The following TXNDC16 variants were observed in gnomAD, a reference collection of about 807,000 sequenced individuals.
TXNDC16 encodes the protein thioredoxin domain containing 16.
TXNDC16 carries 74 observed loss-of-function variants against 85.6 expected under a neutral mutation model. That is an observed-to-expected ratio of 0.86 (90% CI 0.72 to 1.05). The LOEUF (loss-of-function observed/expected upper bound fraction) is 1.05, where lower values mean the gene tolerates loss of function less well. TXNDC16 is among the 50% of genes least tolerant of loss of function. The pLI, the probability that TXNDC16 is intolerant of heterozygous loss-of-function variation, is 0.00. For synonymous variants in TXNDC16, 335 were observed against 326.5 expected, an observed-to-expected ratio of 1.03 and a Z score of -0.28; for missense variants, 959 against 947.0, an observed-to-expected ratio of 1.01 and a Z score of -0.17.
At chr14:52,477,201 A>T (rs942605240) in intron 14 of TXNDC16, among the ~76,000 whole-genome samples, 1 of 152,214 alleles carries the variant, frequency 6.6e-6, no homozygotes, top group Non-Finnish European at 1.5e-5. Flanking sequence ...CAAATCCTGG[A>T]AACACATCAA....
chr14:52,505,328 A>T lies in TXNDC16; in HGVS notation c.756+5912T>A, dbSNP rs547300511. 3.3e-5 allele frequency among the ~76,000 whole-genome samples: 5 copies of T among 152,190 alleles called. No individual in the cohort carries two copies. The Middle Eastern group carries it at 0.01, about 311-fold the overall frequency. On this transcript the variant is annotated intron_variant, in intron 9 of 20. Transcript: ENST00000281741. The stretch of plus-strand genomic sequence containing the variant: ...TTGACCACATAGTTGGAAGTAAAGC[A>T]CTCCTCAGCAATGTAAAAAAACAGA...
intron 1 of TXNDC16, among the ~76,000 whole-genome samples, chr14:52,551,879 T>C (rs1277738939): frequency 6.6e-6 from 1 of 152,194 alleles, no homozygotes; most frequent in Non-Finnish European, 1.5e-5. Context: ...TACTTACAAG[T>C]CTGTTTCTGC....
At chr14:52,511,657 A>G (rs1469924076) in intron 8 of TXNDC16, among the ~76,000 whole-genome samples, 1 of 152,168 alleles carries the variant, frequency 6.6e-6, no homozygotes, top group Non-Finnish European at 1.5e-5. Flanking sequence ...TAGTTTCTAA[A>G]TTATAATAGG....
chr14:52,548,541 C>A (rs2140236343), intron 1 of TXNDC16, among the ~76,000 whole-genome samples: 1 of 152,234 alleles, frequency 6.6e-6, no homozygotes, highest in East Asian at 1.9e-4. Context: ...GCTCATATAG[C>A]CTCCAGTGGT....
At position 52,431,118 on chromosome 14, in the gene TXNDC16, A is replaced by C. The variant is rs2034883849; in HGVS notation, c.*1186T>G. 1 of 152,258 alleles carries C rather than the reference A, an allele frequency of 6.6e-6. No individual in the cohort carries two copies. Among genetic ancestry groups the C allele is most frequent in the Admixed American group, 6.5e-5 (1 of 15,294 alleles). The allele number at this position is 152,258 out of a possible 1,614,324, so 9.4% of individuals were successfully genotyped here. A position where few individuals can be genotyped will look rare whatever the true frequency, so the allele number is the denominator to read the frequency against. On this transcript the variant is annotated 3_prime_UTR_variant, in exon 21 of 21. Transcript: ENST00000281741. ...GACAAACAACTGCTACAAACAGATC[A>C]GTCTAACAGCTAAGTGATTTGGAAT... is the stretch of plus-strand genomic sequence containing the variant.
Position 52,534,231 on chromosome 14 carries a change from T to C in TXNDC16, c.392+2488A>G, listed in dbSNP as rs1027297180. 6.6e-5 allele frequency among the ~76,000 whole-genome samples: 10 copies of C among 152,278 alleles called. No individual in the cohort carries two copies. The East Asian group carries it at 1.9e-3, about 29-fold the overall frequency. ...GACCCCATGTCTACTTTTCTACTCT[T>C]ATCTCCTGCTTCACATTTTATACTC... On this transcript the variant is annotated intron_variant, in intron 6 of 20. Coordinates refer to ENST00000281741, the MANE Select transcript of TXNDC16 (RefSeq NM_020784.3).
In TXNDC16 at chr14:52,543,565, T is replaced by C; in HGVS notation, c.-8A>G. The stretch of plus-strand genomic sequence containing the variant: ...ATTGAAGCCGGAAAACATTATCAGC[T>C]GCAGTTGTATCTGAGCGGATTTTGT... On this transcript the variant is annotated 5_prime_UTR_variant, in exon 3 of 21. Transcript: ENST00000281741. The C allele has an allele frequency of 6.2e-7, 1 of 1,612,784 alleles. No homozygotes were observed. The highest frequency in any genetic ancestry group is 8.5e-7 in the Non-Finnish European group (1 of 1,179,344).
intron 6 of TXNDC16, among the ~76,000 whole-genome samples, chr14:52,519,722 T>A (rs192228891): frequency 3.4e-4 from 52 of 152,350 alleles, no homozygotes; most frequent in Non-Finnish European, 6.6e-4. Flanking sequence ...CCATTCCTCA[T>A]GTTTACAACA....
intron 14 of TXNDC16, among the ~76,000 whole-genome samples, chr14:52,474,596 G>T (rs1284096162): frequency 6.6e-6 from 1 of 152,092 alleles, no homozygotes; most frequent in African/African-American, 2.4e-5. Flanking sequence ...CAAGCACGGT[G>T]GTGCACACCT....
intron 8 of TXNDC16, among the ~76,000 whole-genome samples, chr14:52,511,770 A>C (rs1219724378): frequency 6.6e-6 from 1 of 152,158 alleles, no homozygotes; most frequent in Non-Finnish European, 1.5e-5. Context: ...TGCTAAATGA[A>C]GCTTTGTAAC....
chr14:52,455,368 G>C lies in TXNDC16; in HGVS notation c.1798C>G (p.Gln600Glu), dbSNP rs778946611. The part of the protein sequence containing the change: ...ESIPLASTHA[Q>E]DIVQIITDAL... Reference sequence around the variant, plus strand: ...TCTGTTATTATTTGAACTATGTCTTGTGCATGTGTGCTAGCTAGTGGGATG... The same window carrying C: ...TCTGTTATTATTTGAACTATGTCTTCTGCATGTGTGCTAGCTAGTGGGATG... The change falls in exon 18 of 21, where the codon CAA becomes GAA. Residue 600 changes from glutamine to glutamate, a missense_variant. Transcript: ENST00000281741. 6 of 1,613,794 alleles carry C rather than the reference G, an allele frequency of 3.7e-6. No individual in the cohort carries two copies. The highest frequency in any genetic ancestry group is 1.3e-5 in the African/African-American group (1 of 74,902).
At chr14:52,547,576 C>A (rs994452185) in intron 1 of TXNDC16, among the ~76,000 whole-genome samples, 1 of 152,150 alleles carries the variant, frequency 6.6e-6, no homozygotes, top group Non-Finnish European at 1.5e-5. Flanking sequence ...AGAACTAGAG[C>A]CCTAGCAACA....
In TXNDC16 at chr14:52,479,539, G is replaced by T. The variant is rs117460330; in HGVS notation, c.1312+2691C>A. On this transcript the variant is annotated intron_variant, in intron 14 of 20. Transcript: ENST00000281741. ...CAACAGCGACCAAGCTGAGAATCAA[G>T]TCTAGAATTCAACCCCTTTTACAAT... is the stretch of plus-strand genomic sequence containing the variant. Among the ~76,000 whole-genome samples, 48 of 151,012 alleles carry T rather than the reference G, an allele frequency of 3.2e-4. No individual in the cohort carries two copies. The East Asian group carries it at 8.7e-3, about 27-fold the overall frequency.
intron 14 of TXNDC16, among the ~76,000 whole-genome samples, chr14:52,475,348 G>A (rs1411105110): frequency 2.0e-5 from 3 of 152,150 alleles, no homozygotes; most frequent in African/African-American, 7.2e-5. Context: ...CATGAATCCA[G>A]CGTGCAGACT....
intron 9 of TXNDC16, among the ~76,000 whole-genome samples, chr14:52,506,388 G>T (rs2036800676): frequency 6.6e-6 from 1 of 152,068 alleles, no homozygotes. Flanking sequence ...GATCAAGTGG[G>T]CTTCATCCCT....
At chr14:52,540,990 T>C (rs1364744106) in intron 4 of TXNDC16, among the ~76,000 whole-genome samples, 7 of 151,854 alleles carry the variant, frequency 4.6e-5, no homozygotes, top group Non-Finnish European at 8.8e-5. Context: ...AATCCCAGAA[T>C]TTTGGGAGGC....
intron 1 of TXNDC16, among the ~76,000 whole-genome samples, chr14:52,551,958 GC>G (rs1566595541): frequency 2.5e-5 from 3 of 118,580 alleles, no homozygotes; most frequent in Non-Finnish European, 4.1e-5. Flanking sequence ...GCTTCCCCCT[GC>G]TCACAGATCG....
intron 12 of TXNDC16, among the ~76,000 whole-genome samples, chr14:52,488,159 T>C (rs562342400): frequency 5.3e-5 from 8 of 152,368 alleles, no homozygotes; most frequent in Non-Finnish European, 1.0e-4. Flanking sequence ...CAGTAAATGT[T>C]AATACATTAA....
At chr14:52,496,610 A>ATTTT (rs57762673) in intron 9 of TXNDC16, among the ~76,000 whole-genome samples, 3 of 140,036 alleles carry the variant, frequency 2.1e-5, no homozygotes, top group East Asian at 2.1e-4. Context: ...TGATTTTATG[A>ATTTT]TTTTTTTTTT....
Sources: gnomAD v4.1 joint callset for allele counts (sites outside exome capture counted in the v4.1 genomes callset) on GRCh38, gnomAD v4.1.1 for gene constraint, MANE v1.5 for transcripts, NCBI Gene and HGNC (gene_info 2026-07-23, HGNC 2026-07-21) for gene names.